ESRRG: variants seen among roughly 807,000 people sequenced by gnomAD.
The protein encoded by ESRRG is estrogen related receptor gamma.
In ESRRG, 13 loss-of-function variants were observed where a neutral mutation model predicts 44.0. That is an observed-to-expected ratio of 0.30 (90% confidence interval 0.19 to 0.47). The LOEUF (loss-of-function observed/expected upper bound fraction) is 0.47. Ranked by LOEUF, ESRRG falls within the 20% of genes least tolerant of loss-of-function variation. The probability of loss-of-function intolerance (pLI) is 1.00; values close to 1 mark genes in which losing one functional copy is unlikely to be tolerated. For synonymous variants in ESRRG, 215 were observed against 214.6 expected (o/e 1.00, Z -0.02); for missense variants, 395 against 580.6 (o/e 0.68, Z 3.29).
At chr1:216,770,194 A>G (rs888288905) in intron 2 of ESRRG, among the ~76,000 whole-genome samples, 2 of 152,060 alleles carry the variant, frequency 1.3e-5, no homozygotes, top group Admixed American at 6.6e-5. Context: ...TAATAACTGG[A>G]GTTCAAGGGT....
chr1:216,865,655 A>T (rs2096142825), intron 2 of ESRRG, among the ~76,000 whole-genome samples: 1 of 152,220 alleles, frequency 6.6e-6, no homozygotes, highest in East Asian at 1.9e-4. Flanking sequence ...ATTCCAATGC[A>T]CATTAAAAAT....
At chr1:217,094,353 A>G (rs2092393785), upstream of ESRRG, among the ~76,000 whole-genome samples, 5 of 152,202 alleles carry the variant, frequency 3.3e-5, no homozygotes, top group Admixed American at 2.6e-4. Context: ...GATGTCTTCA[A>G]CTCACGTGTA....
At chr1:216,709,218 A>C (rs2151950793) in intron 1 of ESRRG, among the ~76,000 whole-genome samples, 1 of 152,080 alleles carries the variant, frequency 6.6e-6, no homozygotes, top group Admixed American at 6.6e-5. Flanking sequence ...GTATAATTTA[A>C]AAAAAAGAAA....
intron 3 of ESRRG, among the ~76,000 whole-genome samples, chr1:216,625,690 C>A (rs1380596256): frequency 2.0e-5 from 3 of 152,174 alleles, no homozygotes; most frequent in African/African-American, 7.2e-5. Flanking sequence ...ACTTCTGTGT[C>A]TTCGTGTCCA....
chr1:217,073,197 C>CAAAAAAAAAAA (rs34950214), intron 1 of ESRRG, among the ~76,000 whole-genome samples: 2 of 75,982 alleles, frequency 2.6e-5, no homozygotes, highest in African/African-American at 5.2e-5. Context: ...CCTTTCTGGA[C>CAAAAAAAAAAA]AAAAAAAAAA....
intron 2 of ESRRG, among the ~76,000 whole-genome samples, chr1:216,876,437 C>A (rs1429032868): frequency 6.6e-6 from 1 of 152,118 alleles, no homozygotes; most frequent in African/African-American, 2.4e-5. Context: ...GAATCCCCCA[C>A]AAGCCTGTTA....
chr1:217,019,379 C>T (rs1413661922), intron 1 of ESRRG, among the ~76,000 whole-genome samples: 1 of 152,202 alleles, frequency 6.6e-6, no homozygotes. Context: ...GACTTTCCCA[C>T]CACTTCCAGG....
At chr1:216,764,579 C>A (rs966559346) in intron 2 of ESRRG, among the ~76,000 whole-genome samples, 1 of 151,568 alleles carries the variant, frequency 6.6e-6, no homozygotes, top group African/African-American at 2.4e-5. Context: ...CAGGGGGGGA[C>A]TCTTAACTCC....
intron 2 of ESRRG, among the ~76,000 whole-genome samples, chr1:216,750,733 A>C (rs915751757): frequency 6.7e-6 from 1 of 150,154 alleles, no homozygotes; most frequent in Non-Finnish European, 1.5e-5. Context: ...ACTGTGATAC[A>C]GTTCTTCACT....
chr1:216,712,731 G>C (rs1266883947), intron 1 of ESRRG, among the ~76,000 whole-genome samples: 1 of 152,124 alleles, frequency 6.6e-6, no homozygotes, highest in African/African-American at 2.4e-5. Flanking sequence ...GTTTACAATT[G>C]ACATCTTCAT....
intron 5 of ESRRG, among the ~76,000 whole-genome samples, chr1:216,533,438 A>G (rs995187773): frequency 7.2e-5 from 11 of 152,126 alleles, no homozygotes; most frequent in African/African-American, 2.7e-4. Flanking sequence ...CTTGGTCAGT[A>G]TACTATAGTA....
At chr1:216,643,241 T>C (rs1291470776) in intron 3 of ESRRG, among the ~76,000 whole-genome samples, 1 of 152,200 alleles carries the variant, frequency 6.6e-6, no homozygotes, top group Non-Finnish European at 1.5e-5. Context: ...CTCATATATG[T>C]GTGTATATGT....
chr1:216,668,143 A>G (rs1046231378), intron 2 of ESRRG, among the ~76,000 whole-genome samples: 1 of 152,200 alleles, frequency 6.6e-6, no homozygotes, highest in South Asian at 2.1e-4. Flanking sequence ...CAGCAGAGGA[A>G]TATGAAACCC....
chr1:216,514,858 A>G (rs2043736751), intron 6 of ESRRG, among the ~76,000 whole-genome samples: 1 of 152,136 alleles, frequency 6.6e-6, no homozygotes, highest in Non-Finnish European at 1.5e-5. Flanking sequence ...ATTCTGAAAA[A>G]GGATAATCTC....
chr1:217,018,017 G>A (rs746519339), intron 1 of ESRRG, among the ~76,000 whole-genome samples: 14 of 152,052 alleles, frequency 9.2e-5, no homozygotes, highest in East Asian at 3.9e-4. Flanking sequence ...TGTATAAAAC[G>A]AATTTAAAAA....
chr1:217,038,473 C>G (rs889092569), intron 1 of ESRRG, among the ~76,000 whole-genome samples: 2 of 152,172 alleles, frequency 1.3e-5, no homozygotes, highest in Non-Finnish European at 2.9e-5. Flanking sequence ...CTCTGTGTCC[C>G]CACCCAAATC....
chr1:216,970,354 G>A (rs1485620582), intron 1 of ESRRG, among the ~76,000 whole-genome samples: 2 of 152,278 alleles, frequency 1.3e-5, no homozygotes, highest in South Asian at 2.1e-4. Context: ...TTTGCTAAAG[G>A]CATTTTCAAT....
At chr1:216,803,382 C>G (rs1240232489) in intron 2 of ESRRG, among the ~76,000 whole-genome samples, 1 of 152,140 alleles carries the variant, frequency 6.6e-6, no homozygotes, top group Non-Finnish European at 1.5e-5. Context: ...CAGTAGTGTT[C>G]AGACTCTTGA....
chr1:216,884,172 T>G (rs1280823397), intron 2 of ESRRG, among the ~76,000 whole-genome samples: 1 of 152,154 alleles, frequency 6.6e-6, no homozygotes, highest in Non-Finnish European at 1.5e-5. Context: ...TGCAGGAAAC[T>G]AGGTTTGTCA....
Sources: allele counts gnomAD v4.1 joint callset (sites outside exome capture counted in the v4.1 genomes callset), GRCh38; gene constraint gnomAD v4.1.1; transcripts MANE v1.5; gene names NCBI Gene and HGNC (gene_info 2026-07-23, HGNC 2026-07-21).